OVAAL: variants seen among roughly 807,000 people sequenced by gnomAD.
OVAAL encodes ovarian adenocarcinoma amplified long non-coding RNA, also known as long intergenic non-protein coding RNA 1131.
intron 2 of OVAAL, among the ~76,000 whole-genome samples, chr1:180,562,687 A>C (rs1571621884): frequency 6.6e-6 from 1 of 152,238 alleles, no homozygotes; most frequent in African/African-American, 2.4e-5. Context: ...GAGGCTGTCA[A>C]GGGACACAAG....
chr1:180,561,658 C>G (rs1001076380), intron 1 of OVAAL, among the ~76,000 whole-genome samples: 1 of 152,120 alleles, frequency 6.6e-6, no homozygotes, highest in Non-Finnish European at 1.5e-5. Context: ...AAAACCCCAA[C>G]AAGTTGGTCT....
chr1:180,563,558 C>T lies in OVAAL; in HGVS notation n.513+1214C>T, dbSNP rs115684457. On this transcript the variant is annotated intron_variant and non_coding_transcript_variant, in intron 2 of 2. Coordinates refer to ENST00000673955, the Ensembl canonical transcript of OVAAL. ...GACTTGAAGGACAAGTGTGGTTTGACTTAGGGTTTTATATGTTGGCATACT... is the reference window on the plus strand; with the variant it reads ...GACTTGAAGGACAAGTGTGGTTTGATTTAGGGTTTTATATGTTGGCATACT... Among the ~76,000 whole-genome samples the T allele has an allele frequency of 4.4e-3, 669 of 152,228 alleles. 3 individuals are homozygous for T. The highest frequency in any genetic ancestry group is 0.014 in the Middle Eastern group (4 of 294).
intron 1 of OVAAL, chr1:180,558,992 G>T: frequency 6.5e-6 from 1 of 154,884 alleles, no homozygotes; most frequent in South Asian, 2.0e-4. Context: ...TGCCATGTAA[G>T]AAGTGCCTTT....
intron 2 of OVAAL, among the ~76,000 whole-genome samples, chr1:180,563,079 G>C (rs186754821): frequency 3.2e-4 from 49 of 152,316 alleles, no homozygotes; most frequent in African/African-American, 1.2e-3. Flanking sequence ...CCAAGAGAGA[G>C]TAAAGGTTTA....
intron 2 of OVAAL, among the ~76,000 whole-genome samples, chr1:180,563,874 C>T (rs990675792): frequency 4.6e-5 from 7 of 152,110 alleles, no homozygotes; most frequent in Non-Finnish European, 1.0e-4. Context: ...TATAGGGAGA[C>T]TGCCTTTCCC....
chr1:180,560,812 C>T (rs935369973), intron 1 of OVAAL, among the ~76,000 whole-genome samples: 1 of 152,174 alleles, frequency 6.6e-6, no homozygotes, highest in Non-Finnish European at 1.5e-5. Flanking sequence ...AATAATACTT[C>T]TATAGTTAGT....
chr1:180,561,679 A>G (rs999152229), intron 1 of OVAAL, among the ~76,000 whole-genome samples: 2 of 152,182 alleles, frequency 1.3e-5, no homozygotes, highest in African/African-American at 4.8e-5. Flanking sequence ...GGAAAATCGA[A>G]GACCAGCAAG....
chr1:180,560,928 C>T (rs905000045), intron 1 of OVAAL, among the ~76,000 whole-genome samples: 12 of 152,126 alleles, frequency 7.9e-5, no homozygotes, highest in South Asian at 2.1e-4. Flanking sequence ...TACCAAAGAA[C>T]GCCACGCTTA....
intron 2 of OVAAL, among the ~76,000 whole-genome samples, chr1:180,562,514 T>C (rs1483729938): frequency 1.3e-5 from 2 of 152,148 alleles, no homozygotes; most frequent in Non-Finnish European, 2.9e-5. Context: ...CTTTTATGCC[T>C]CTTAGAGCTG....
At chr1:180,562,498 G>A (rs1191738969) in intron 2 of OVAAL, among the ~76,000 whole-genome samples, 2 of 152,174 alleles carry the variant, frequency 1.3e-5, no homozygotes, top group Non-Finnish European at 2.9e-5. Context: ...AAGATAACAG[G>A]TGTATCTTTT....
chr1:180,566,244 T>C, exon 3 of OVAAL: 1 of 152,246 alleles, frequency 6.6e-6, no homozygotes, highest in Middle Eastern at 3.2e-3. Context: ...AAGCTGTGTC[T>C]TCAGTGCCCA....
exon 3 of OVAAL, chr1:180,566,152 CA>C (rs1417576305): frequency 6.6e-6 from 1 of 152,202 alleles, no homozygotes. Context: ...AGCAGATGTG[CA>C]AGAGTATTTG....
exon 3 of OVAAL, chr1:180,566,275 C>T (rs1653286445): frequency 6.6e-6 from 1 of 152,168 alleles, no homozygotes. Flanking sequence ...CAACGTCTCC[C>T]CAGTTCTCCT....
exon 3 of OVAAL, chr1:180,565,676 C>CAGCA (rs1653277535): frequency 2.0e-5 from 3 of 152,166 alleles, no homozygotes; most frequent in Admixed American, 1.3e-4. Flanking sequence ...AAGCAGGATA[C>CAGCA]AGCAAGATTA....
chr1:180,562,698 G>T (rs1037448347), intron 2 of OVAAL, among the ~76,000 whole-genome samples: 1 of 152,190 alleles, frequency 6.6e-6, no homozygotes, highest in Admixed American at 6.5e-5. Flanking sequence ...GGGACACAAG[G>T]TATTCAGTAG....
intron 1 of OVAAL, among the ~76,000 whole-genome samples, chr1:180,561,568 T>G (rs1653205285): frequency 6.6e-6 from 1 of 152,150 alleles, no homozygotes; most frequent in South Asian, 2.1e-4. Context: ...GGCTGAGGCT[T>G]GTCTGGGAGA....
chr1:180,565,364 C>G (rs1329155168), exon 3 of OVAAL: 3 of 152,350 alleles, frequency 2.0e-5, no homozygotes, highest in Non-Finnish European at 4.4e-5. Flanking sequence ...GTCCAGGGCT[C>G]CACCCCAAGG....
At chr1:180,560,977 T>C (rs1653190795) in intron 1 of OVAAL, among the ~76,000 whole-genome samples, 1 of 152,126 alleles carries the variant, frequency 6.6e-6, no homozygotes, top group Non-Finnish European at 1.5e-5. Context: ...CATCTTAGGG[T>C]AGGGAAAATC....
chr1:180,564,609 CT>C (rs1653261631), intron 2 of OVAAL, among the ~76,000 whole-genome samples: 1 of 152,152 alleles, frequency 6.6e-6, no homozygotes, highest in African/African-American at 2.4e-5. Context: ...CTAAAATCAG[CT>C]TTCTTAAATG....
Sources: gnomAD v4.1 joint callset for allele counts (sites outside exome capture counted in the v4.1 genomes callset) on GRCh38, gnomAD v4.1.1 for gene constraint, MANE v1.5 for transcripts, NCBI Gene and HGNC (gene_info 2026-07-23, HGNC 2026-07-21) for gene names.